Variants in TNFRSF19 observed in about 807,000 individuals in gnomAD.
TNFRSF19 encodes tumor necrosis factor receptor superfamily member 19.
TNFRSF19 carries 27 observed loss-of-function variants against 46.4 expected under a neutral mutation model. That is an observed-to-expected ratio of 0.58 (90% confidence interval 0.43 to 0.80). TNFRSF19 has a LOEUF of 0.80. Ranked by LOEUF, TNFRSF19 falls within the 30% of genes least tolerant of loss-of-function variation. TNFRSF19 has a pLI of 0.00. For missense variants in TNFRSF19, 511 were observed against 530.8 expected, an observed-to-expected ratio of 0.96 and a Z score of 0.37; for synonymous variants, 204 against 205.0, an observed-to-expected ratio of 1.00 and a Z score of 0.04.
At chr13:23,597,895 C>A (rs1390296196) in intron 3 of TNFRSF19, among the ~76,000 whole-genome samples, 1 of 152,150 alleles carries the variant, frequency 6.6e-6, no homozygotes, top group Non-Finnish European at 1.5e-5. Flanking sequence ...AAAGCTTATC[C>A]ACCACAATCA....
Position 23,573,970 on chromosome 13 carries a change from A to G in TNFRSF19, c.-35+3122A>G, listed in dbSNP as rs1877790226. 2.0e-5 allele frequency among the ~76,000 whole-genome samples: 3 copies of G among 151,750 alleles called. No individual in the cohort carries two copies. The South Asian group carries it at 6.3e-4, about 32-fold the overall frequency. The stretch of plus-strand genomic sequence containing the variant: ...CCAGCTACTTGGGAGGCTGAGGCAG[A>G]AAAATGGTGTGAACCCGGGAGGCAG... On this transcript the variant is annotated intron_variant, in intron 1 of 9. Coordinates refer to ENST00000248484, the MANE Select transcript of TNFRSF19 (RefSeq NM_148957.4).
At chr13:23,597,892 A>T (rs1303661433) in intron 3 of TNFRSF19, among the ~76,000 whole-genome samples, 1 of 152,226 alleles carries the variant, frequency 6.6e-6, no homozygotes, top group Non-Finnish European at 1.5e-5. Context: ...CAAAAAGCTT[A>T]TCCACCACAA....
At chr13:23,670,853 G>C (rs1214420645) in intron 9 of TNFRSF19, among the ~76,000 whole-genome samples, 1 of 152,246 alleles carries the variant, frequency 6.6e-6, no homozygotes, top group African/African-American at 2.4e-5. Context: ...TGCCTCTCTT[G>C]TTAGGAGATC....
chr13:23,613,945 C>T (rs762808632), intron 3 of TNFRSF19, among the ~76,000 whole-genome samples: 1 of 152,042 alleles, frequency 6.6e-6, no homozygotes, highest in African/African-American at 2.4e-5. Context: ...GTAATGGATG[C>T]TTTTTGCAAA....
chr13:23,655,845 A>G (rs1246862889), intron 5 of TNFRSF19, among the ~76,000 whole-genome samples: 1 of 152,158 alleles, frequency 6.6e-6, no homozygotes, highest in Non-Finnish European at 1.5e-5. Context: ...CTAGAAACTA[A>G]AAAGAATTAG....
At chr13:23,610,370 C>T (rs1015415200) in intron 3 of TNFRSF19, among the ~76,000 whole-genome samples, 2 of 152,232 alleles carry the variant, frequency 1.3e-5, no homozygotes, top group Non-Finnish European at 2.9e-5. Context: ...TACTGGAAAA[C>T]CACCAAATGT....
At chr13:23,578,740 C>G (rs1327848871) in intron 1 of TNFRSF19, among the ~76,000 whole-genome samples, 6 of 152,270 alleles carry the variant, frequency 3.9e-5, no homozygotes, top group Non-Finnish European at 8.8e-5. Context: ...ACCCTTTCAG[C>G]AAAACTGCCC....
rs908399266 is a variant in TNFRSF19 at position 23,659,747 on chromosome 13, C to T, written c.610+533C>T. ...GTCTCGAACTCCTGACCTCGTGATC[C>T]GCCTGCCTCGGCCTCCCAAAGTGCT... is the stretch of plus-strand genomic sequence containing the variant. On this transcript the variant is annotated intron_variant, in intron 6 of 9. Transcript: ENST00000248484. The surrounding 1 kb of genome is among the most constrained non-coding windows in gnomAD (Gnocchi z 4.9). Among the ~76,000 whole-genome samples, 9 of 152,156 alleles carry T rather than the reference C, an allele frequency of 5.9e-5. No individual in the cohort carries two copies. The East Asian group carries it at 7.7e-4, about 13-fold the overall frequency.
chr13:23,592,814 G>A (rs565358265), intron 2 of TNFRSF19, among the ~76,000 whole-genome samples: 19 of 152,318 alleles, frequency 1.2e-4, no homozygotes, highest in African/African-American at 3.1e-4. Context: ...AAGTCTAAAC[G>A]ATAATTGCGA....
At chr13:23,613,320 A>G (rs1424899061) in intron 3 of TNFRSF19, among the ~76,000 whole-genome samples, 1 of 152,208 alleles carries the variant, frequency 6.6e-6, no homozygotes, top group Non-Finnish European at 1.5e-5. Context: ...TCTTATCCCC[A>G]TCTCACAGAT....
intron 1 of TNFRSF19, among the ~76,000 whole-genome samples, chr13:23,585,067 AT>A (rs35390046): frequency 0.084 from 12,823 of 152,302 alleles, 586 homozygotes; most frequent in East Asian, 0.18. Flanking sequence ...GGCTGTATTT[AT>A]AGCATTGGCT....
chr13:23,668,183 T>G, intron 8 of TNFRSF19, 101 bp downstream of exon 8: 2 of 1,070,112 alleles, frequency 1.9e-6, no homozygotes, highest in South Asian at 3.3e-5. Context: ...ACATCACCTC[T>G]TAAATATTAA....
intron 2 of TNFRSF19, among the ~76,000 whole-genome samples, chr13:23,590,973 G>C (rs1879241155): frequency 1.3e-5 from 2 of 152,256 alleles, no homozygotes; most frequent in South Asian, 4.1e-4. Context: ...TTATATAGTT[G>C]TTTATATTCT....
intron 5 of TNFRSF19, among the ~76,000 whole-genome samples, chr13:23,639,404 T>TA (rs1021211502): frequency 1.3e-5 from 2 of 151,924 alleles, no homozygotes; most frequent in Non-Finnish European, 1.5e-5. Context: ...AAAGATAATT[T>TA]AAAAAAAATT....
intron 4 of TNFRSF19, among the ~76,000 whole-genome samples, chr13:23,617,509 C>T (rs1487538528): frequency 4.6e-5 from 7 of 152,184 alleles, no homozygotes; most frequent in Admixed American, 4.6e-4. Context: ...GCCATTGCTA[C>T]ACCAAGTATG....
At chr13:23,671,020 G>A in intron 9 of TNFRSF19, among the ~76,000 whole-genome samples, 1 of 152,190 alleles carries the variant, frequency 6.6e-6, no homozygotes, top group East Asian at 1.9e-4. Context: ...TTCATACGAG[G>A]TCATCCCGGA....
intron 1 of TNFRSF19, among the ~76,000 whole-genome samples, chr13:23,587,732 C>T (rs1031913800): frequency 3.3e-5 from 5 of 152,084 alleles, no homozygotes; most frequent in South Asian, 4.1e-4. Flanking sequence ...CACTGGTTCT[C>T]GTATTTGTTT....
At chr13:23,575,590 T>C (rs1446288494) in intron 1 of TNFRSF19, among the ~76,000 whole-genome samples, 1 of 152,208 alleles carries the variant, frequency 6.6e-6, no homozygotes, top group Non-Finnish European at 1.5e-5. Flanking sequence ...ACTTATTTTC[T>C]TAACTGTATT....
chr13:23,570,950 T>A (rs181056045), intron 1 of TNFRSF19, 102 bp downstream of exon 1: 1 of 152,340 alleles, frequency 6.6e-6, no homozygotes, highest in East Asian at 1.9e-4. Flanking sequence ...AAGAATGGTT[T>A]TAATTAATTT....
Sources: allele counts gnomAD v4.1 joint callset (sites outside exome capture counted in the v4.1 genomes callset), GRCh38; gene constraint gnomAD v4.1.1; non-coding constraint Gnocchi (gnomAD v3.1); transcripts MANE v1.5; gene names NCBI Gene and HGNC (gene_info 2026-07-23, HGNC 2026-07-21).